The following SLC35D4 variants were observed in gnomAD, a reference collection of about 807,000 sequenced individuals.
SLC35D4 encodes solute carrier family 35 member D4.
chr18:23,297,894 G>A, the SLC35D4 span: 1 of 1,299,568 alleles, frequency 7.7e-7, no homozygotes, highest in South Asian at 1.3e-5. Context: ...CACTGTCCTT[G>A]CATTCCTCTT....
the SLC35D4 span, chr18:23,356,583 C>T: frequency 6.2e-7 from 1 of 1,613,972 alleles, no homozygotes; most frequent in African/African-American, 1.3e-5. This position sits in a 1 kb window ranked among gnomAD's most constrained non-coding sequence, Gnocchi z 4.1. Flanking sequence ...AATGAGTGAG[C>T]TTACGATTAC....
At chr18:23,410,556 G>A in the SLC35D4 span, among the ~76,000 whole-genome samples, 1 of 151,906 alleles carries the variant, frequency 6.6e-6, no homozygotes, top group South Asian at 2.1e-4. Context: ...TGTAATCCCA[G>A]CACTTTGGGA....
chr18:23,309,659 C>T, the SLC35D4 span: 4 of 1,611,080 alleles, frequency 2.5e-6, no homozygotes, highest in Non-Finnish European at 3.4e-6. Context: ...GGCACTTTAT[C>T]TCTCTATGCA....
chr18:23,269,425 A>T, the SLC35D4 span, among the ~76,000 whole-genome samples: 1 of 152,236 alleles, frequency 6.6e-6, no homozygotes, highest in Non-Finnish European at 1.5e-5. Context: ...CTGAACTGTG[A>T]GTCAATTAAA....
At chr18:23,354,350 A>AC in the SLC35D4 span, among the ~76,000 whole-genome samples, 1 of 81,850 alleles carries the variant, frequency 1.2e-5, no homozygotes, top group African/African-American at 3.7e-5. Context: ...AAATACAAAA[A>AC]AAAAAAAAAA....
the SLC35D4 span, among the ~76,000 whole-genome samples, chr18:23,251,255 G>A: frequency 6.6e-6 from 1 of 152,216 alleles, no homozygotes; most frequent in South Asian, 2.1e-4. Flanking sequence ...GAGTTCAAGA[G>A]GAGCCCAGCC....
the SLC35D4 span, chr18:23,421,579 C>G: frequency 1.4e-6 from 1 of 696,678 alleles, no homozygotes; most frequent in Non-Finnish European, 2.5e-6. Context: ...CTACTCTCTC[C>G]CAATTATCCC....
chr18:23,375,282 T>G, the SLC35D4 span, among the ~76,000 whole-genome samples: 1 of 152,066 alleles, frequency 6.6e-6, no homozygotes, highest in Non-Finnish European at 1.5e-5. Flanking sequence ...TAAGGGATGG[T>G]TGTTTTTAGG....
the SLC35D4 span, among the ~76,000 whole-genome samples, chr18:23,312,514 C>T: frequency 2.0e-5 from 3 of 152,238 alleles, no homozygotes; most frequent in East Asian, 5.8e-4. Context: ...GTGCTGCTGC[C>T]TGAGACCCTT....
chr18:23,328,043 G>A, the SLC35D4 span, among the ~76,000 whole-genome samples: 1 of 152,266 alleles, frequency 6.6e-6, no homozygotes, highest in African/African-American at 2.4e-5. Context: ...AGGTATTGAT[G>A]GGACGTATCT....
the SLC35D4 span, among the ~76,000 whole-genome samples, chr18:23,267,999 A>G: frequency 1.3e-5 from 2 of 152,176 alleles, no homozygotes; most frequent in African/African-American, 4.8e-5. Context: ...TGGGGGCCTC[A>G]TTTTTGGGAG....
the SLC35D4 span, among the ~76,000 whole-genome samples, chr18:23,300,521 A>G: frequency 6.6e-6 from 1 of 152,228 alleles, no homozygotes; most frequent in Non-Finnish European, 1.5e-5. Context: ...ACCTTGCATT[A>G]TGTCCCTTGG....
At chr18:23,282,432 G>C in the SLC35D4 span, among the ~76,000 whole-genome samples, 6 of 152,184 alleles carry the variant, frequency 3.9e-5, no homozygotes, top group Non-Finnish European at 8.8e-5. Flanking sequence ...GCAAAGATTC[G>C]CTCGGCTCAC....
At chr18:23,379,216 TG>T in the SLC35D4 span, among the ~76,000 whole-genome samples, 5 of 151,530 alleles carry the variant, frequency 3.3e-5, no homozygotes, top group Non-Finnish European at 5.9e-5. Context: ...CTCTGCCTCC[TG>T]GGTTCAAGCG....
the SLC35D4 span, chr18:23,421,446 T>C: frequency 1.2e-6 from 2 of 1,613,902 alleles, no homozygotes; most frequent in Non-Finnish European, 1.7e-6. Flanking sequence ...GTCTGCCACC[T>C]GGAAAGGACA....
At chr18:23,253,420 T>A in the SLC35D4 span, among the ~76,000 whole-genome samples, 1 of 151,978 alleles carries the variant, frequency 6.6e-6, no homozygotes, top group Non-Finnish European at 1.5e-5. Flanking sequence ...GAGGTGGAGG[T>A]TGCAGTGAGC....
the SLC35D4 span, among the ~76,000 whole-genome samples, chr18:23,279,333 C>A: frequency 6.6e-6 from 1 of 152,192 alleles, no homozygotes; most frequent in African/African-American, 2.4e-5. Flanking sequence ...TCTCATCAGT[C>A]AGAACTTGTT....
the SLC35D4 span, among the ~76,000 whole-genome samples, chr18:23,264,664 A>AT: frequency 7.9e-5 from 12 of 151,742 alleles, no homozygotes; most frequent in Non-Finnish European, 1.0e-4. Context: ...CCCAGCCGTC[A>AT]TTTTTTTATT....
the SLC35D4 span, among the ~76,000 whole-genome samples, chr18:23,411,273 A>T: frequency 7.3e-6 from 1 of 136,078 alleles, no homozygotes; most frequent in Non-Finnish European, 1.6e-5. Context: ...GAGAGAAGGG[A>T]AGGGAGAGAG....
Sources: allele counts gnomAD v4.1 joint callset (sites outside exome capture counted in the v4.1 genomes callset), GRCh38; gene constraint gnomAD v4.1.1; non-coding constraint Gnocchi (gnomAD v3.1); transcripts MANE v1.5; gene names NCBI Gene and HGNC (gene_info 2026-07-23, HGNC 2026-07-21).